Variants in NRCAM observed in about 807,000 individuals in gnomAD.
The protein encoded by NRCAM is NgCAM-related cell adhesion molecule.
Under a neutral mutation model 156.5 loss-of-function variants are expected in NRCAM, and 83 were observed. The observed-to-expected ratio is 0.53, with a 90% CI of 0.44 to 0.64. The LOEUF is 0.64. Among genes scored for constraint, NRCAM ranks in the 30% least tolerant of loss-of-function variants. The pLI, the probability that NRCAM is intolerant of heterozygous loss-of-function variation, is 0.00. For synonymous variants in NRCAM, 538 were observed against 563.9 expected (o/e 0.95, Z 0.65); for missense variants, 1,417 against 1,597.3 (o/e 0.89, Z 1.92).
intron 2 of NRCAM, among the ~76,000 whole-genome samples, chr7:108,373,460 G>A (rs903326090): frequency 1.3e-5 from 2 of 152,170 alleles, no homozygotes; most frequent in African/African-American, 2.4e-5. Context: ...CCTGTTCAGA[G>A]GGTATGGGGA....
At chr7:108,451,441 C>G (rs6976752) in intron 1 of NRCAM, among the ~76,000 whole-genome samples, 2 of 151,820 alleles carry the variant, frequency 1.3e-5, no homozygotes, top group Non-Finnish European at 2.9e-5. Flanking sequence ...TATGATCTAG[C>G]AGTCTCATTT....
chr7:108,337,437 C>A (rs1402974651), intron 2 of NRCAM, among the ~76,000 whole-genome samples: 6 of 152,194 alleles, frequency 3.9e-5, no homozygotes, highest in Non-Finnish European at 8.8e-5. Context: ...CCGTTGCAGA[C>A]CCACTGCTGA....
chr7:108,383,560 C>G (rs1156422941), intron 2 of NRCAM, among the ~76,000 whole-genome samples: 1 of 152,194 alleles, frequency 6.6e-6, no homozygotes, highest in Non-Finnish European at 1.5e-5. Flanking sequence ...GGAGTTCCAT[C>G]TTGAACATCC....
chr7:108,265,223 C>T (rs2097054392), intron 3 of NRCAM, among the ~76,000 whole-genome samples: 1 of 152,210 alleles, frequency 6.6e-6, no homozygotes. Flanking sequence ...GGACCTGGTG[C>T]TTTGCAGTTC....
chr7:108,345,139 G>A (rs2099342201), intron 2 of NRCAM, among the ~76,000 whole-genome samples: 1 of 152,144 alleles, frequency 6.6e-6, no homozygotes, highest in African/African-American at 2.4e-5. Flanking sequence ...AAAATTGATT[G>A]TTTTACTGTG....
intron 2 of NRCAM, among the ~76,000 whole-genome samples, chr7:108,358,516 G>C (rs1235424591): frequency 1.3e-5 from 2 of 151,990 alleles, no homozygotes; most frequent in Admixed American, 6.6e-5. Context: ...TAGGTTGGTA[G>C]GTTTCATACA....
chr7:108,256,231 C>A (rs1044297540), intron 3 of NRCAM, among the ~76,000 whole-genome samples: 1 of 151,680 alleles, frequency 6.6e-6, no homozygotes, highest in African/African-American at 2.4e-5. Flanking sequence ...GTTACTGTGT[C>A]TGTGTAGAAA....
intron 20 of NRCAM, among the ~76,000 whole-genome samples, chr7:108,185,840 G>A (rs569774320): frequency 3.0e-4 from 46 of 151,598 alleles, no homozygotes; most frequent in Middle Eastern, 3.5e-3. Context: ...GTATAGAATC[G>A]TGTGTGCTGG....
chr7:108,193,146 C>T lies in NRCAM; in HGVS notation c.1778+878G>A, dbSNP rs144403000. 1.0e-3 allele frequency among the ~76,000 whole-genome samples: 152 copies of T among 152,284 alleles called. 1 individual carries two copies. Among genetic ancestry groups the T allele is most frequent in the African/African-American group, 3.4e-3 (142 of 41,556 alleles). On this transcript the variant is annotated intron_variant, in intron 17 of 32. Coordinates refer to ENST00000379028, the MANE Select transcript of NRCAM (RefSeq NM_001037132.4). Reference sequence around the variant, plus strand: ...CAGGTAATTCTCCCACCTCAGCCTCCCAGGTAGCTGGGACCACAGGTGTGA... The same window carrying T: ...CAGGTAATTCTCCCACCTCAGCCTCTCAGGTAGCTGGGACCACAGGTGTGA...
In NRCAM at chr7:108,260,591, G is replaced by A. The variant is rs370854693; in HGVS notation, c.-106-20421C>T. Among the ~76,000 whole-genome samples, 7 of 152,204 alleles carry A rather than the reference G, an allele frequency of 4.6e-5. No homozygotes were observed. In the South Asian group the frequency reaches 1.5e-3, roughly 32 times the overall value. On this transcript the variant is annotated intron_variant, in intron 3 of 32. Coordinates refer to ENST00000379028, the MANE Select transcript of NRCAM (RefSeq NM_001037132.4). The stretch of plus-strand genomic sequence containing the variant: ...GGGAAAGGGAGAAGAACTTACTCCC[G>A]GGATGTGCTTGGTCTAAGATTCACC...
At chr7:108,393,660 G>T (rs1018455304) in intron 2 of NRCAM, among the ~76,000 whole-genome samples, 4 of 152,108 alleles carry the variant, frequency 2.6e-5, no homozygotes, top group African/African-American at 9.7e-5. Context: ...GAAATCAACC[G>T]TCTTCTGTGT....
At chr7:108,239,616 T>G (rs2095395672) in intron 4 of NRCAM, among the ~76,000 whole-genome samples, 1 of 151,918 alleles carries the variant, frequency 6.6e-6, no homozygotes, top group African/African-American at 2.4e-5. Flanking sequence ...GCTCATATAG[T>G]TTTCTTGCAG....
intron 2 of NRCAM, among the ~76,000 whole-genome samples, chr7:108,376,342 C>T (rs1472169101): frequency 1.3e-5 from 2 of 152,192 alleles, no homozygotes; most frequent in Non-Finnish European, 2.9e-5. Flanking sequence ...CTGCTTCCTG[C>T]TCTCTGGAGG....
chr7:108,450,470 G>A (rs1166755150), intron 1 of NRCAM, among the ~76,000 whole-genome samples: 2 of 152,094 alleles, frequency 1.3e-5, no homozygotes, highest in Non-Finnish European at 2.9e-5. Flanking sequence ...AAGATTCAAT[G>A]GTAGGGAGAA....
At chr7:108,170,155 A>G (rs544196362) in intron 28 of NRCAM, among the ~76,000 whole-genome samples, 74 of 152,292 alleles carry the variant, frequency 4.9e-4, no homozygotes, top group African/African-American at 1.7e-3. Context: ...TTGACAGATG[A>G]ATGGATAAAG....
chr7:108,183,009 C>G (rs1036180181), intron 22 of NRCAM, 89 bp from the exon 23 acceptor site: 1 of 1,037,060 alleles, frequency 9.6e-7, no homozygotes, highest in African/African-American at 1.6e-5. Context: ...CCCAGACCTA[C>G]AGAAAGTGAT....
At chr7:108,365,327 C>T (rs1171953186) in intron 2 of NRCAM, among the ~76,000 whole-genome samples, 3 of 152,114 alleles carry the variant, frequency 2.0e-5, no homozygotes, top group Non-Finnish European at 4.4e-5. Flanking sequence ...TATATCTCAA[C>T]CTCTCAAATC....
intron 3 of NRCAM, among the ~76,000 whole-genome samples, chr7:108,250,184 C>T (rs891956479): frequency 6.6e-5 from 10 of 151,928 alleles, no homozygotes; most frequent in Admixed American, 1.3e-4. Flanking sequence ...TTTGGGAGGC[C>T]GAGGCAGGTG....
chr7:108,451,050 C>G (rs1393780818), intron 1 of NRCAM, among the ~76,000 whole-genome samples: 1 of 151,980 alleles, frequency 6.6e-6, no homozygotes, highest in Non-Finnish European at 1.5e-5. Context: ...AAAACCCTGT[C>G]TCTACTAAAA....
Sources: allele counts gnomAD v4.1 joint callset (sites outside exome capture counted in the v4.1 genomes callset), GRCh38; gene constraint gnomAD v4.1.1; transcripts MANE v1.5; gene names NCBI Gene and HGNC (gene_info 2026-07-23, HGNC 2026-07-21).